Variants in IRAG1 observed in about 807,000 individuals in gnomAD.
IRAG1 encodes inositol 1,4,5-triphosphate receptor associated 1.
A neutral mutation model predicts 106.2 loss-of-function variants in IRAG1; 62 were observed. The observed-to-expected ratio is 0.58, with a 90% CI of 0.48 to 0.72. IRAG1 has a LOEUF of 0.72. Ranked by LOEUF, IRAG1 falls within the 30% of genes least tolerant of loss-of-function variation. The pLI is 0.00. For missense variants in IRAG1, 1,064 were observed against 1,140.7 expected, an observed-to-expected ratio of 0.93 and a Z score of 0.97; for synonymous variants, 462 against 443.9, an observed-to-expected ratio of 1.04 and a Z score of -0.51.
At chr11:10,649,754 A>G (rs1258884830) in intron 2 of IRAG1, among the ~76,000 whole-genome samples, 3 of 152,246 alleles carry the variant, frequency 2.0e-5, no homozygotes, top group South Asian at 4.1e-4. Flanking sequence ...GGGTTCCATG[A>G]GCTTGCCTGC....
In IRAG1 at chr11:10,626,728, TG is replaced by T. The variant is rs1034286807; in HGVS notation, c.751-146del. 5 of 985,048 alleles carry T rather than the reference TG, an allele frequency of 5.1e-6. No homozygotes were observed. In the African/African-American group the frequency reaches 8.2e-5, roughly 16 times the overall value. The allele number at this position is 985,048 out of a possible 1,614,324, so 61.0% of individuals were successfully genotyped here. ...GTGTGTATGGGGTATGAGTGGACGA[TG>T]TGGAAGGAGAGGGCTTCTGCCCGAG... On this transcript the variant is annotated intron_variant, in intron 8 of 20. Coordinates refer to ENST00000423302, the MANE Select transcript of IRAG1 (RefSeq NM_130385.4).
intron 15 of IRAG1, among the ~76,000 whole-genome samples, chr11:10,597,207 C>G (rs1359966579): frequency 6.6e-6 from 1 of 152,214 alleles, no homozygotes; most frequent in Non-Finnish European, 1.5e-5. Flanking sequence ...ACTACCACAT[C>G]TAAACTCTTG....
chr11:10,627,566 A>C (rs1323624390), intron 8 of IRAG1, 150 bp downstream of exon 8: 21 of 764,490 alleles, frequency 2.7e-5, no homozygotes, highest in Non-Finnish European at 2.0e-5. Flanking sequence ...ACTATAAGGC[A>C]GGGGAATCTG....
Position 10,693,619 on chromosome 11 carries a change from A to T in IRAG1, c.-17T>A. The T allele has an allele frequency of 6.5e-7, 1 of 1,534,554 alleles. No homozygotes were observed. Among genetic ancestry groups the T allele is most frequent in the East Asian group, 2.4e-5 (1 of 40,902 alleles). ...TTTTACCATTTAAGGTCAATGTTAC[A>T]TCTGGCTCCGGAGCTCAGAGCCGAG... On this transcript the variant is annotated 5_prime_UTR_variant, in exon 1 of 21. An upstream start codon of the reference 5' UTR is lost. Transcript: ENST00000423302.
At chr11:10,653,079 C>T (rs529840484) in intron 1 of IRAG1, among the ~76,000 whole-genome samples, 2 of 152,250 alleles carry the variant, frequency 1.3e-5, no homozygotes, top group South Asian at 2.1e-4. Flanking sequence ...CAGGGATAGA[C>T]AATGGACCCA....
intron 18 of IRAG1, among the ~76,000 whole-genome samples, chr11:10,584,710 A>C (rs1851773409): frequency 6.6e-6 from 1 of 151,756 alleles, no homozygotes; most frequent in Non-Finnish European, 1.5e-5. Flanking sequence ...GCCTGAGGCA[A>C]ACTTGGATTC....
chr11:10,658,250 C>T (rs1859085478), intron 1 of IRAG1: 1 of 152,316 alleles, frequency 6.6e-6, no homozygotes, highest in South Asian at 2.1e-4. Context: ...CATCCTGCTT[C>T]CTAACCTTGG....
At chr11:10,686,665 G>A (rs974359251) in intron 1 of IRAG1, among the ~76,000 whole-genome samples, 3 of 151,858 alleles carry the variant, frequency 2.0e-5, no homozygotes, top group African/African-American at 7.3e-5. Flanking sequence ...ACTCTGTCCT[G>A]CAGCCAGGTC....
intron 18 of IRAG1, among the ~76,000 whole-genome samples, chr11:10,590,720 C>T (rs563709926): frequency 1.3e-5 from 2 of 152,304 alleles, no homozygotes; most frequent in Non-Finnish European, 2.9e-5. Context: ...AACAGCCTGC[C>T]TTACTCTGGC....
intron 2 of IRAG1, among the ~76,000 whole-genome samples, chr11:10,650,550 C>A (rs4910164): frequency 6.6e-6 from 1 of 151,828 alleles, no homozygotes; most frequent in Non-Finnish European, 1.5e-5. Flanking sequence ...GAGTCCAGGG[C>A]GAGGAAATAG....
intron 1 of IRAG1, among the ~76,000 whole-genome samples, chr11:10,664,307 C>G (rs185209788): frequency 2.8e-4 from 42 of 152,344 alleles, no homozygotes; most frequent in Admixed American, 2.6e-3. Flanking sequence ...CTGTTCATCT[C>G]CACTCTGGGA....
chr11:10,639,054 G>C (rs182860853), intron 2 of IRAG1, among the ~76,000 whole-genome samples: 51 of 152,192 alleles, frequency 3.4e-4, no homozygotes, highest in Non-Finnish European at 6.5e-4. Context: ...CGAGTAGCTG[G>C]GACTACAGGC....
chr11:10,587,922 G>A (rs1852203971), intron 18 of IRAG1, among the ~76,000 whole-genome samples: 1 of 152,210 alleles, frequency 6.6e-6, no homozygotes, highest in African/African-American at 2.4e-5. Context: ...GGCAAGTGAC[G>A]ATTTCTCTGA....
chr11:10,576,437 A>G lies in IRAG1; in HGVS notation c.2634T>C (p.Cys878=), dbSNP rs370485984. 4.2e-5 allele frequency: 67 copies of G among 1,614,006 alleles called. No individual in the cohort carries two copies. The African/African-American group carries it at 7.3e-4, about 18-fold the overall frequency. ...VLGLYNSYNS[C]AEQADGPLGR... ...CAAGGGGCCCATCAGCCTGCTCTGC[A>G]CAAGAGTTATAGGAATTGTAGAGCC... Residue 878 remains cysteine (C), a synonymous_variant, in exon 21 of 21, where the codon TGT becomes TGC. Transcript: ENST00000423302.
chr11:10,677,428 C>T (rs1860773054), intron 1 of IRAG1, among the ~76,000 whole-genome samples: 1 of 152,076 alleles, frequency 6.6e-6, no homozygotes, highest in South Asian at 2.1e-4. Flanking sequence ...TCAGGATCCC[C>T]TGGGATCCTT....
chr11:10,625,881 C>T lies in IRAG1; in HGVS notation c.1368+85G>A, dbSNP rs1481344697. The T allele has an allele frequency of 2.4e-6, 3 of 1,276,576 alleles. No homozygotes were observed. In the African/African-American group the frequency reaches 4.6e-5, roughly 20 times the overall value. The allele number at this position is 1,276,576 out of a possible 1,614,324, so 79.1% of individuals were successfully genotyped here. A position where few individuals can be genotyped will look rare whatever the true frequency, so the allele number is the denominator to read the frequency against. On this transcript the variant is annotated intron_variant, in intron 9 of 20. Transcript: ENST00000423302. ...AAGTCCAGGCCAGAGCTGCCCTGGCCAGGGGCCCAGACTCAGCCCTGAGGT... is the reference window on the plus strand; with the variant it reads ...AAGTCCAGGCCAGAGCTGCCCTGGCTAGGGGCCCAGACTCAGCCCTGAGGT...
intron 1 of IRAG1, among the ~76,000 whole-genome samples, chr11:10,655,851 A>C (rs1858879620): frequency 6.6e-6 from 1 of 152,182 alleles, no homozygotes; most frequent in Non-Finnish European, 1.5e-5. Context: ...GTTAAGTCAG[A>C]TGTCAGCTGC....
At chr11:10,618,534 C>G (rs544672883) in intron 10 of IRAG1, among the ~76,000 whole-genome samples, 1 of 152,176 alleles carries the variant, frequency 6.6e-6, no homozygotes, top group Non-Finnish European at 1.5e-5. Context: ...AGAGATTAAT[C>G]AGAGAAACAT....
At chr11:10,629,907 G>A in intron 4 of IRAG1, 196 bp from the exon 5 acceptor site, 1 of 573,392 alleles carries the variant, frequency 1.7e-6, no homozygotes, top group Admixed American at 3.3e-5. Context: ...TATGGCTTAT[G>A]GCCTGTGGTC....
Sources: allele counts gnomAD v4.1 joint callset (sites outside exome capture counted in the v4.1 genomes callset), GRCh38; gene constraint gnomAD v4.1.1; transcripts MANE v1.5; gene names NCBI Gene and HGNC (gene_info 2026-07-23, HGNC 2026-07-21).